The following NDUFAF7 variants were observed in gnomAD, a reference collection of about 807,000 sequenced individuals.
NDUFAF7 encodes the protein protein arginine methyltransferase NDUFAF7, mitochondrial.
Under a neutral mutation model 47.2 loss-of-function variants are expected in NDUFAF7, and 48 were observed. That is an observed-to-expected ratio of 1.02 (90% CI 0.81 to 1.29). The LOEUF (loss-of-function observed/expected upper bound fraction) is 1.29. Among genes scored for constraint, NDUFAF7 ranks in the 50% most tolerant of loss-of-function variants. The pLI, the probability that NDUFAF7 is intolerant of heterozygous loss-of-function variation, is 0.00. For missense variants in NDUFAF7, 635 were observed against 537.6 expected (o/e 1.18, Z -1.79); for synonymous variants, 217 against 190.0 (o/e 1.14, Z -1.17).
At chr2:37,262,091 T>TC in the NDUFAF7 span, among the ~76,000 whole-genome samples, 1 of 152,152 alleles carries the variant, frequency 6.6e-6, no homozygotes, top group Non-Finnish European at 1.5e-5. Flanking sequence ...TTTTCAAACT[T>TC]AAGATGGGTT....
intron 4 of NDUFAF7, 126 bp from the exon 5 acceptor site, chr2:37,241,452 G>A (rs1281995474): frequency 2.5e-6 from 2 of 787,552 alleles, no homozygotes; most frequent in East Asian, 5.3e-5. Context: ...GAGTGGCTTG[G>A]GTAAGGAACA....
intron 3 of NDUFAF7, among the ~76,000 whole-genome samples, chr2:37,236,576 A>G (rs1302737858): frequency 6.6e-6 from 1 of 152,020 alleles, no homozygotes; most frequent in Non-Finnish European, 1.5e-5. Flanking sequence ...GGAGATCAAG[A>G]CCGTCCTGGC....
At chr2:37,234,276 G>GTTTTGTATTTTC (rs1665512490) in intron 2 of NDUFAF7, among the ~76,000 whole-genome samples, 1 of 152,132 alleles carries the variant, frequency 6.6e-6, no homozygotes, top group Non-Finnish European at 1.5e-5. Flanking sequence ...ATTTTCAATG[G>GTTTTGTATTTTC]AGATCGGGTT....
At chr2:37,249,639 T>TA (rs1222412861), downstream of NDUFAF7, among the ~76,000 whole-genome samples, 1 of 59,078 alleles carries the variant, frequency 1.7e-5, no homozygotes, top group African/African-American at 1.1e-4. Flanking sequence ...TAGCCTGTGA[T>TA]AGAGACACAC....
At chr2:37,236,956 A>C (rs1414871970) in intron 3 of NDUFAF7, among the ~76,000 whole-genome samples, 1 of 152,078 alleles carries the variant, frequency 6.6e-6, no homozygotes. Flanking sequence ...CCGTACTTAC[A>C]GTAAAAGTCT....
At chr2:37,260,162 C>CT in the NDUFAF7 span, 6 of 1,408,840 alleles carry the variant, frequency 4.3e-6, no homozygotes, top group Non-Finnish European at 5.8e-6. Context: ...AGACTCTTGT[C>CT]TTAAAAAAAA....
At chr2:37,267,618 G>T in the NDUFAF7 span, 3 of 1,005,956 alleles carry the variant, frequency 3.0e-6, no homozygotes, top group East Asian at 2.4e-5. Flanking sequence ...AAATTTATAT[G>T]TATTTACTCT....
chr2:37,269,573 T>A, the NDUFAF7 span: 19 of 1,539,692 alleles, frequency 1.2e-5, no homozygotes, highest in African/African-American at 2.0e-4. Flanking sequence ...TTCCAGTTTT[T>A]AAAATAATGT....
the NDUFAF7 span, among the ~76,000 whole-genome samples, chr2:37,261,884 A>C: frequency 0.094 from 14,280 of 152,252 alleles, 768 homozygotes; most frequent in African/African-American, 0.14. Context: ...TCAGTAAAAA[A>C]CGTATTTTGA....
chr2:37,248,294 C>G lies in NDUFAF7; in HGVS notation c.1270C>G (p.Gln424Glu). 6.2e-7 allele frequency: 1 copy of G among 1,614,164 alleles called. No individual in the cohort carries two copies. Among genetic ancestry groups the G allele is most frequent in the Non-Finnish European group, 8.5e-7 (1 of 1,180,008 alleles). ...QGGRYQRNAR[Q>E]SKPFASVVAG... Reference sequence around the variant, plus strand: ...TGGAAGATATCAGAGGAATGCACGTCAGTCAAAACCCTTTGCATCCGTTGT... The same window carrying G: ...TGGAAGATATCAGAGGAATGCACGTGAGTCAAAACCCTTTGCATCCGTTGT... Residue 424 changes from glutamine to glutamate, a missense_variant, in exon 10 of 10, where the codon CAG becomes GAG. By Grantham distance (29) the Gln-to-Glu change is conservative. Transcript: ENST00000002125.
In NDUFAF7 at chr2:37,248,171, C is replaced by A. The variant is rs776771867; in HGVS notation, c.1147C>A (p.Gln383Lys). Reference sequence around the variant, plus strand: ...TAAATCAAATGAGCCATCAGTGAGGCAGCAGTTACTTCAAGGATATGATAT... The same window carrying A: ...TAAATCAAATGAGCCATCAGTGAGGAAGCAGTTACTTCAAGGATATGATAT... ...LDKSNEPSVR[Q>K]QLLQGYDMLM... Residue 383 changes from glutamine to lysine, a missense_variant, in exon 10 of 10, where the codon CAG (glutamine) becomes AAG (lysine). Transcript: ENST00000002125. 4.3e-6 allele frequency: 7 copies of A among 1,613,842 alleles called. No homozygotes were observed. The African/African-American group carries it at 9.3e-5, about 22-fold the overall frequency.
At chr2:37,257,666 CAAAAGAAAAAAAAA>C (rs1668079831), downstream of NDUFAF7, among the ~76,000 whole-genome samples, 1 of 62,436 alleles carries the variant, frequency 1.6e-5, no homozygotes, top group Admixed American at 1.8e-4. Context: ...GACTCTGTCT[CAAAAGAAAAAAAAA>C]AAAAAAAAAA....
At chr2:37,246,607 T>C (rs1233505212) in intron 8 of NDUFAF7, among the ~76,000 whole-genome samples, 3 of 152,210 alleles carry the variant, frequency 2.0e-5, no homozygotes, top group Non-Finnish European at 4.4e-5. Context: ...TTCAACATTT[T>C]TTCCCTTTCC....
chr2:37,235,978 G>C, intron 2 of NDUFAF7, 118 bp from the exon 3 acceptor site: 1 of 906,658 alleles, frequency 1.1e-6, no homozygotes. Flanking sequence ...ATTTAGAGGA[G>C]AGAACTTTCT....
intron 3 of NDUFAF7, among the ~76,000 whole-genome samples, 181 bp downstream of exon 3, chr2:37,236,357 A>C (rs1175284911): frequency 6.6e-6 from 1 of 152,120 alleles, no homozygotes; most frequent in African/African-American, 2.4e-5. Flanking sequence ...TGGTAGAGAG[A>C]ATATTTGAAA....
At position 37,231,671 on chromosome 2, in the gene NDUFAF7, C is replaced by T. The variant is rs1463989450; in HGVS notation, c.-35C>T. Reference sequence around the variant, plus strand: ...CTCCCGGAAATGGTCTAAGCCCCAGCTCCTGGCGGAGCGAGCTAGCCTGCG... The same window carrying T: ...CTCCCGGAAATGGTCTAAGCCCCAGTTCCTGGCGGAGCGAGCTAGCCTGCG... On this transcript the variant is annotated 5_prime_UTR_variant, in exon 1 of 10. Coordinates refer to ENST00000002125, the MANE Select transcript of NDUFAF7 (RefSeq NM_144736.5). 1.2e-6 allele frequency: 2 copies of T among 1,612,080 alleles called. No individual in the cohort carries two copies. The highest frequency in any genetic ancestry group is 3.3e-5 in the Admixed American group (2 of 59,864).
downstream of NDUFAF7, chr2:37,251,492 T>C (rs1049956651): frequency 6.6e-6 from 1 of 152,580 alleles, no homozygotes; most frequent in Non-Finnish European, 1.5e-5. Flanking sequence ...ATAAAAGAAC[T>C]TAGAACACAG....
intron 4 of NDUFAF7, 115 bp downstream of exon 4, chr2:37,237,982 T>C (rs1665967521): frequency 3.9e-6 from 3 of 773,096 alleles, no homozygotes; most frequent in Admixed American, 4.2e-5. Context: ...ATTTCTCAGC[T>C]AAAATATAAT....
At chr2:37,271,242 C>T in the NDUFAF7 span, among the ~76,000 whole-genome samples, 1 of 151,978 alleles carries the variant, frequency 6.6e-6, no homozygotes, top group South Asian at 2.1e-4. Flanking sequence ...TCTCTCTAGT[C>T]CAGGGGTTAG....
Sources: gnomAD v4.1 joint callset for allele counts (sites outside exome capture counted in the v4.1 genomes callset) on GRCh38, gnomAD v4.1.1 for gene constraint, MANE v1.5 for transcripts, NCBI Gene and HGNC (gene_info 2026-07-23, HGNC 2026-07-21) for gene names.